The following NUBPL variants were observed in gnomAD, a reference collection of about 807,000 sequenced individuals.
The protein encoded by NUBPL is iron-sulfur cluster transfer protein NUBPL.
A neutral mutation model predicts 45.7 loss-of-function variants in NUBPL; 31 were observed. That is an observed-to-expected ratio of 0.68 (90% CI 0.51 to 0.92). The LOEUF (loss-of-function observed/expected upper bound fraction) is 0.92. NUBPL is among the 40% of genes least tolerant of loss of function. The pLI is 0.00. For synonymous variants in NUBPL, 144 were observed against 140.9 expected, an observed-to-expected ratio of 1.02 and a Z score of -0.15; for missense variants, 401 against 398.7, an observed-to-expected ratio of 1.01 and a Z score of -0.05.
intron 4 of NUBPL, among the ~76,000 whole-genome samples, chr14:31,672,793 A>G (rs1318264035): frequency 3.3e-5 from 5 of 152,226 alleles, no homozygotes; most frequent in Admixed American, 2.0e-4. Flanking sequence ...TCTTAATACA[A>G]TTATGTCCCA....
chr14:31,595,533 A>G (rs1466600282), intron 3 of NUBPL, among the ~76,000 whole-genome samples: 3 of 152,222 alleles, frequency 2.0e-5, no homozygotes, highest in African/African-American at 7.2e-5. Context: ...TTGAGTAAAT[A>G]AAATTATTAT....
At chr14:31,725,709 CTTTTTTTT>C (rs375160082) in intron 6 of NUBPL, among the ~76,000 whole-genome samples, 1 of 104,974 alleles carries the variant, frequency 9.5e-6, no homozygotes, top group Non-Finnish European at 1.7e-5. Context: ...TAGATTTCAG[CTTTTTTTT>C]TTTTTTTTTT....
chr14:31,789,033 A>G (rs2039332672), intron 7 of NUBPL, among the ~76,000 whole-genome samples: 1 of 152,208 alleles, frequency 6.6e-6, no homozygotes, highest in Non-Finnish European at 1.5e-5. Flanking sequence ...CTGGATAAGA[A>G]TAAATATTAG....
intron 4 of NUBPL, among the ~76,000 whole-genome samples, chr14:31,606,784 T>TG (rs2034612336): frequency 6.6e-6 from 1 of 152,094 alleles, no homozygotes; most frequent in South Asian, 2.1e-4. Flanking sequence ...AAGGTTTTGA[T>TG]GGGGGTTGTT....
chr14:31,564,991 ATTAC>A lies in NUBPL; in HGVS notation c.257-20_257-17del, dbSNP rs1367305217. ...AATAGAAGGAAAGTTACTAAATTCAATTACTTTTTTTGTTTCTTACAGTGAATCT... is the reference window on the plus strand; with the variant it reads ...AATAGAAGGAAAGTTACTAAATTCAATTTTTTTGTTTCTTACAGTGAATCT... On this transcript the variant is annotated intron_variant, in intron 2 of 10. Transcript: ENST00000281081. 4.9e-6 allele frequency: 7 copies of A among 1,433,764 alleles called. No individual in the cohort carries two copies. The highest frequency in any genetic ancestry group is 1.4e-5 in the African/African-American group (1 of 71,644). 88.8% of individuals were successfully genotyped at this position (1,433,764 alleles called of 1,614,324 possible).
At chr14:31,798,303 G>GTTTTTTTTTTTTTGTT (rs2039505796) in intron 7 of NUBPL, among the ~76,000 whole-genome samples, 1 of 107,286 alleles carries the variant, frequency 9.3e-6, no homozygotes, top group Non-Finnish European at 1.7e-5. Context: ...TTTATTTATG[G>GTTTTTTTTTTTTTGTT]TTTTTTTTTT....
At chr14:31,621,185 A>G (rs933880781) in intron 4 of NUBPL, among the ~76,000 whole-genome samples, 14 of 152,146 alleles carry the variant, frequency 9.2e-5, no homozygotes, top group Admixed American at 8.5e-4. Context: ...CTGGCATGAG[A>G]ATTTCAAGCC....
At chr14:31,858,673 T>G (rs558714179) in intron 10 of NUBPL, among the ~76,000 whole-genome samples, 2 of 152,236 alleles carry the variant, frequency 1.3e-5, no homozygotes, top group African/African-American at 4.8e-5. Context: ...CTCGGGGAGA[T>G]GAAGAAAATG....
At chr14:31,744,145 T>C (rs2038345324) in intron 6 of NUBPL, among the ~76,000 whole-genome samples, 1 of 152,096 alleles carries the variant, frequency 6.6e-6, no homozygotes, top group Non-Finnish European at 1.5e-5. Flanking sequence ...GGGGAAAAAA[T>C]GTGATCTCTT....
rs1321494687 is a variant in NUBPL, at chr14:31,823,197, T to C, written c.608-3432T>C. 4.6e-5 allele frequency among the ~76,000 whole-genome samples: 7 copies of C among 152,220 alleles called. No homozygotes were observed. In the East Asian group the frequency reaches 1.4e-3, roughly 29 times the overall value. On this transcript the variant is annotated intron_variant, in intron 7 of 10. Coordinates refer to ENST00000281081, the MANE Select transcript of NUBPL (RefSeq NM_025152.3). The stretch of plus-strand genomic sequence containing the variant: ...TGCCAACTTAAAGTTTATGCTGAAG[T>C]AATCTAGGGGAGATGATTCTGAAAA...
Position 31,747,293 on chromosome 14 carries a change from G to A in NUBPL, c.514-40487G>A, listed in dbSNP as rs1310403351. On this transcript the variant is annotated intron_variant, in intron 6 of 10. Transcript: ENST00000281081. ...TGTGACTACAGGCGCCTGCCACCAC[G>A]CCCAGCTAATATTTTTTGTATTTTT... Among the ~76,000 whole-genome samples the A allele has an allele frequency of 2.0e-5, 3 of 151,402 alleles. No homozygotes were observed. In the East Asian group the frequency reaches 5.8e-4, roughly 29 times the overall value.
rs184616204 is a variant in NUBPL, at chr14:31,650,541, G to A, written c.383-22814G>A. ...CCTGACCTCATGATCCACCCATGTC[G>A]GCCTCCCAAAGTGTTGGGATTACAG... On this transcript the variant is annotated intron_variant, in intron 4 of 10. Coordinates refer to ENST00000281081, the MANE Select transcript of NUBPL (RefSeq NM_025152.3). Among the ~76,000 whole-genome samples the A allele has an allele frequency of 6.6e-5, 10 of 152,152 alleles. No homozygotes were observed. The East Asian group carries it at 1.4e-3, about 21-fold the overall frequency.
intron 10 of NUBPL, among the ~76,000 whole-genome samples, chr14:31,852,932 T>C (rs772830798): frequency 1.4e-4 from 21 of 152,352 alleles, no homozygotes; most frequent in Middle Eastern, 3.4e-3. Flanking sequence ...AGAAGCATAA[T>C]ACCTATTCTG....
At chr14:31,649,340 T>C (rs2035940366) in intron 4 of NUBPL, among the ~76,000 whole-genome samples, 1 of 152,206 alleles carries the variant, frequency 6.6e-6, no homozygotes, top group Admixed American at 6.5e-5. Context: ...GAAAATCAGA[T>C]TTATTTGATT....
At chr14:31,564,713 G>A (rs1171129010) in intron 2 of NUBPL, among the ~76,000 whole-genome samples, 2 of 151,812 alleles carry the variant, frequency 1.3e-5, no homozygotes, top group East Asian at 3.9e-4. Flanking sequence ...AAAATTAAGT[G>A]GATTATTTGA....
chr14:31,763,679 A>C (rs1481896574), intron 6 of NUBPL, among the ~76,000 whole-genome samples: 1 of 152,184 alleles, frequency 6.6e-6, no homozygotes, highest in Non-Finnish European at 1.5e-5. Flanking sequence ...TTCTGATGAA[A>C]AGTAGCTTGG....
chr14:31,561,806 C>T, intron 1 of NUBPL: 2 of 585,830 alleles, frequency 3.4e-6, no homozygotes, highest in Non-Finnish European at 6.0e-6. Context: ...AAGCAAAACA[C>T]GTGGAAGCCT....
At chr14:31,655,971 T>C (rs968027726) in intron 4 of NUBPL, among the ~76,000 whole-genome samples, 1 of 152,226 alleles carries the variant, frequency 6.6e-6, no homozygotes, top group African/African-American at 2.4e-5. Context: ...TCATCTACAT[T>C]GAAGATCTGT....
At chr14:31,641,241 C>T (rs533241124) in intron 4 of NUBPL, among the ~76,000 whole-genome samples, 57 of 152,248 alleles carry the variant, frequency 3.7e-4, no homozygotes, top group East Asian at 3.9e-4. Flanking sequence ...TGAGCCACCG[C>T]GCCTGGCCAA....
Sources: allele counts gnomAD v4.1 joint callset (sites outside exome capture counted in the v4.1 genomes callset), GRCh38; gene constraint gnomAD v4.1.1; transcripts MANE v1.5; gene names NCBI Gene and HGNC (gene_info 2026-07-23, HGNC 2026-07-21).